Variants in EFR3A observed in about 807,000 individuals in gnomAD.
EFR3A encodes the protein EFR3 homolog A, also known as protein EFR3 homolog A.
In EFR3A, 76 loss-of-function variants were observed where a neutral mutation model predicts 104.4. The ratio of observed to expected loss-of-function variants is 0.73; its 90% confidence interval spans 0.60 to 0.88. EFR3A has a LOEUF of 0.88. Ranked by LOEUF, EFR3A falls within the 40% of genes least tolerant of loss-of-function variation. The pLI is 0.00. For missense variants in EFR3A, 985 were observed against 1,012.5 expected (o/e 0.97, Z 0.37); for synonymous variants, 330 against 330.0 (o/e 1.00, Z 0.00).
chr8:131,976,177 G>T lies in EFR3A; in HGVS notation c.1274+36G>T, dbSNP rs373111841. The T allele has an allele frequency of 9.5e-5, 124 of 1,310,886 alleles. No individual in the cohort carries two copies. The African/African-American group carries it at 1.7e-3, about 18-fold the overall frequency. The allele number at this position is 1,310,886 out of a possible 1,614,324, so 81.2% of individuals were successfully genotyped here. Reference sequence around the variant, plus strand: ...AGACTGTAAATTTGAACTTAATCTTGAGTTACATTTTATCCTAACGAAATC... The same window carrying T: ...AGACTGTAAATTTGAACTTAATCTTTAGTTACATTTTATCCTAACGAAATC... On this transcript the variant is annotated intron_variant, in intron 11 of 22. Transcript: ENST00000254624.
chr8:131,953,794 C>CT lies in EFR3A; in HGVS notation c.489-22dup. 5 of 1,458,388 alleles carry CT rather than the reference C, an allele frequency of 3.4e-6. No homozygotes were observed. In the South Asian group the frequency reaches 4.2e-5, roughly 12 times the overall value. 90.3% of individuals were successfully genotyped at this position (1,458,388 alleles called of 1,614,324 possible). On this transcript the variant is annotated intron_variant, in intron 5 of 22. Transcript: ENST00000254624. ...AAATAATTTTTTTATGGCTCATTTT[C>CT]TTCCTTTTTTTTTTTTTTTATAGGA...
At chr8:131,995,892 A>T (rs1290472340) in intron 18 of EFR3A, among the ~76,000 whole-genome samples, 1 of 152,172 alleles carries the variant, frequency 6.6e-6, no homozygotes, top group African/African-American at 2.4e-5. Flanking sequence ...TATTAATTGA[A>T]ACAGCAAATT....
intron 22 of EFR3A, among the ~76,000 whole-genome samples, chr8:132,009,620 T>A (rs1156743687): frequency 6.6e-6 from 1 of 152,062 alleles, no homozygotes; most frequent in Non-Finnish European, 1.5e-5. Flanking sequence ...ACTGTTGAGT[T>A]GATCTCATTT....
At chr8:131,920,449 A>G (rs970099606) in intron 1 of EFR3A, among the ~76,000 whole-genome samples, 1 of 152,140 alleles carries the variant, frequency 6.6e-6, no homozygotes, top group Non-Finnish European at 1.5e-5. Context: ...ATGTTCTTGT[A>G]TTCTTAGGGA....
intron 22 of EFR3A, among the ~76,000 whole-genome samples, chr8:132,007,140 T>TA (rs1436158451): frequency 2.0e-5 from 3 of 151,524 alleles, no homozygotes; most frequent in Non-Finnish European, 3.0e-5. Context: ...AAGTCTTAGG[T>TA]AAGTAAAGTG....
At position 132,002,693 on chromosome 8, in the gene EFR3A, A is replaced by T; in HGVS notation, c.2297A>T (p.Gln766Leu). 1 of 1,613,508 alleles carries T rather than the reference A, an allele frequency of 6.2e-7. No individual in the cohort carries two copies. Among genetic ancestry groups the T allele is most frequent in the Non-Finnish European group, 8.5e-7 (1 of 1,179,538 alleles). ...GCACCTTTTGAAGAAATAGCAGCAC[A>T]GTGTGAATCCAAAGTAAGTGAAGAA... ...QKAPFEEIAAQCESKANLLHD... is the reference protein window; with the variant it reads ...QKAPFEEIAALCESKANLLHD... The change falls in exon 21 of 23, where the codon CAG becomes CTG. Residue 766 changes from glutamine to leucine, a missense_variant. Coordinates refer to ENST00000254624, the MANE Select transcript of EFR3A (RefSeq NM_015137.6).
At chr8:131,928,690 A>G (rs1402412263) in intron 1 of EFR3A, among the ~76,000 whole-genome samples, 2 of 152,112 alleles carry the variant, frequency 1.3e-5, no homozygotes, top group Non-Finnish European at 2.9e-5. Flanking sequence ...TTTGGTCACA[A>G]TATTTAGTCC....
chr8:131,983,848 T>A (rs1236847058), intron 14 of EFR3A, among the ~76,000 whole-genome samples: 1 of 152,230 alleles, frequency 6.6e-6, no homozygotes, highest in Admixed American at 6.5e-5. Flanking sequence ...TAATTTGCTT[T>A]TGTTTTTTCA....
At chr8:131,976,837 A>T (rs1474560390) in intron 11 of EFR3A, among the ~76,000 whole-genome samples, 2 of 152,102 alleles carry the variant, frequency 1.3e-5, no homozygotes, top group South Asian at 2.1e-4. Context: ...CCAATAACAA[A>T]TTTTTTGTTT....
intron 14 of EFR3A, among the ~76,000 whole-genome samples, chr8:131,982,278 A>G (rs1820655080): frequency 6.6e-6 from 1 of 152,074 alleles, no homozygotes; most frequent in Non-Finnish European, 1.5e-5. Flanking sequence ...TACATTGTGT[A>G]TTCTTTTAAG....
chr8:131,931,020 G>A (rs1051516141), intron 1 of EFR3A, among the ~76,000 whole-genome samples: 1 of 152,108 alleles, frequency 6.6e-6, no homozygotes, highest in African/African-American at 2.4e-5. Context: ...AAGGGGAGTG[G>A]TTCTCTAGAG....
At chr8:131,974,586 T>G (rs1820228537) in intron 10 of EFR3A, among the ~76,000 whole-genome samples, 2 of 152,192 alleles carry the variant, frequency 1.3e-5, no homozygotes, top group South Asian at 4.1e-4. Flanking sequence ...AGTTCTTGAC[T>G]TCTCTTATCC....
chr8:131,947,091 G>A (rs1257406434), intron 4 of EFR3A, among the ~76,000 whole-genome samples: 2 of 151,984 alleles, frequency 1.3e-5, no homozygotes, highest in Admixed American at 6.6e-5. Context: ...TGTAGTAACT[G>A]TGTTTAACTG....
At chr8:131,951,110 T>G (rs966397076) in intron 5 of EFR3A, among the ~76,000 whole-genome samples, 9 of 152,182 alleles carry the variant, frequency 5.9e-5, no homozygotes, top group African/African-American at 2.2e-4. Flanking sequence ...TACAGAAATA[T>G]AACTAGGTTT....
rs1819202676 is a variant in EFR3A at position 131,959,625 on chromosome 8, G to A, written c.817G>A (p.Ala273Thr). ...HHKLWDPNEF[A>T]VHCFKIIMYS... ...CAAACTGTGGGATCCCAATGAATTT[G>A]CAGTTCACTGCTTTAAAATTATAAT... The change falls in exon 8 of 23, where the codon GCA (alanine) becomes ACA (threonine). Residue 273 changes from alanine (A) to threonine (T), a missense_variant. Ala to Thr is a moderately conservative substitution (Grantham distance 58). Coordinates refer to ENST00000254624, the MANE Select transcript of EFR3A (RefSeq NM_015137.6). 2 of 1,612,010 alleles carry A rather than the reference G, an allele frequency of 1.2e-6. No individual in the cohort carries two copies. Among genetic ancestry groups the A allele is most frequent in the Middle Eastern group, 1.7e-4 (1 of 5,958 alleles).
chr8:132,011,120 C>T lies in EFR3A; in HGVS notation c.*225C>T. The T allele has an allele frequency of 1.7e-6, 2 of 1,200,590 alleles. No homozygotes were observed. The highest frequency in any genetic ancestry group is 7.1e-5 in the South Asian group (2 of 28,000). The allele number at this position is 1,200,590 out of a possible 1,614,324, so 74.4% of individuals were successfully genotyped here. On this transcript the variant is annotated 3_prime_UTR_variant, in exon 23 of 23. Transcript: ENST00000254624. ...GCCATGTTAATTTGCTTTGAGGTTC[C>T]TGTTGCCTTTTTAAGTTGAACATGT...
chr8:131,973,684 G>A (rs997181450), intron 10 of EFR3A, among the ~76,000 whole-genome samples: 2 of 152,050 alleles, frequency 1.3e-5, no homozygotes, highest in African/African-American at 4.8e-5. Context: ...CCATGGAACA[G>A]GGCTGCTATA....
intron 1 of EFR3A, among the ~76,000 whole-genome samples, chr8:131,929,885 G>A (rs527852645): frequency 1.3e-5 from 2 of 152,258 alleles, no homozygotes; most frequent in African/African-American, 4.8e-5. Context: ...GTAAAGCTGG[G>A]TTGGAGAATG....
In EFR3A at chr8:131,953,816, A is replaced by G. The variant is rs1442597906; in HGVS notation, c.489-2A>G. ...TTTCTTCCTTTTTTTTTTTTTTTAT[A>G]GGATACGAATTGCTGGAATTAGAGG... On this transcript the variant is annotated splice_acceptor_variant, in intron 5 of 22. Transcript: ENST00000254624. LOFTEE classifies it high-confidence loss of function. 1 of 1,417,926 alleles carries G rather than the reference A, an allele frequency of 7.1e-7. No homozygotes were observed. The highest frequency in any genetic ancestry group is 1.5e-5 in the South Asian group (1 of 65,188). 87.8% of individuals were successfully genotyped at this position (1,417,926 alleles called of 1,614,324 possible).
Sources: allele counts gnomAD v4.1 joint callset (sites outside exome capture counted in the v4.1 genomes callset), GRCh38; gene constraint gnomAD v4.1.1; transcripts MANE v1.5; gene names NCBI Gene and HGNC (gene_info 2026-07-23, HGNC 2026-07-21).